USF3: variants seen among roughly 807,000 people sequenced by gnomAD.
USF3 encodes the protein basic helix-loop-helix domain-containing protein USF3.
A neutral mutation model predicts 157.5 loss-of-function variants in USF3; 29 were observed. The observed-to-expected ratio is 0.18, with a 90% confidence interval of 0.14 to 0.25. The LOEUF is 0.25. Ranked by LOEUF, USF3 falls within the 10% of genes least tolerant of loss-of-function variation. USF3 has a pLI of 1.00. For synonymous variants in USF3, 893 were observed against 941.4 expected, an observed-to-expected ratio of 0.95 and a Z score of 0.94; for missense variants, 2,381 against 2,667.6, an observed-to-expected ratio of 0.89 and a Z score of 2.37.
chr3:113,670,078 T>C, intron 5 of USF3, 43 bp downstream of exon 5: 1 of 1,279,604 alleles, frequency 7.8e-7, no homozygotes, highest in Non-Finnish European at 1.1e-6. Context: ...TAGGGAATTG[T>C]CTGTTCATAA....
intron 1 of USF3, among the ~76,000 whole-genome samples, chr3:113,685,173 T>C (rs1280659375): frequency 1.3e-5 from 2 of 152,178 alleles, no homozygotes; most frequent in South Asian, 2.1e-4. Context: ...GCAGAGTCTC[T>C]TGTTCTCTTC....
In USF3 at chr3:113,649,828, C is replaced by G; in HGVS notation, c.*5116G>C. 1.4e-6 allele frequency: 1 copy of G among 702,760 alleles called. No homozygotes were observed. Among genetic ancestry groups the G allele is most frequent in the Non-Finnish European group, 2.6e-6 (1 of 384,882 alleles). The allele number at this position is 702,760 out of a possible 1,614,324, so 43.5% of individuals were successfully genotyped here. ...GACTCAATCTAAATTTGGTGTCCCCCCTCCACAGGTTCTAGTAGAAACCTA... is the reference window on the plus strand; with the variant it reads ...GACTCAATCTAAATTTGGTGTCCCCGCTCCACAGGTTCTAGTAGAAACCTA... On this transcript the variant is annotated 3_prime_UTR_variant, in exon 7 of 7. Coordinates refer to ENST00000316407, the MANE Select transcript of USF3 (RefSeq NM_001009899.4).
intron 1 of USF3, among the ~76,000 whole-genome samples, chr3:113,679,982 T>A (rs1164423883): frequency 1.3e-5 from 2 of 151,458 alleles, no homozygotes; most frequent in Non-Finnish European, 2.9e-5. Context: ...TCGCTCTTTT[T>A]GCCCAGGCTG....
At position 113,660,642 on chromosome 3, in the gene USF3, G is replaced by T. The variant is rs775933281; in HGVS notation, c.1040C>A (p.Pro347His). The T allele has an allele frequency of 1.2e-6, 2 of 1,614,192 alleles. No homozygotes were observed. The highest frequency in any genetic ancestry group is 2.2e-5 in the South Asian group (2 of 91,088). ...VSVTTTVCSQPPRTAGDSSPM... is the reference protein window; with the variant it reads ...VSVTTTVCSQHPRTAGDSSPM... ...AGAAGAATCACCTGCAGTTCTGGGA[G>T]GCTGCGAGCAGACTGTGGTGGTAAC... The change falls in exon 7 of 7, where the codon CCT becomes CAT. Residue 347 changes from proline (P) to histidine (H), a missense_variant. Physicochemically the swap from Pro to His is moderately conservative, Grantham distance 77. Coordinates refer to ENST00000316407, the MANE Select transcript of USF3 (RefSeq NM_001009899.4).
chr3:113,664,912 A>C (rs1010936818), intron 5 of USF3, among the ~76,000 whole-genome samples: 3 of 152,178 alleles, frequency 2.0e-5, no homozygotes, highest in African/African-American at 7.2e-5. Context: ...TCTGTCTGCC[A>C]CTTGAGGACA....
chr3:113,667,529 T>C (rs1188666097), intron 5 of USF3, among the ~76,000 whole-genome samples: 1 of 152,184 alleles, frequency 6.6e-6, no homozygotes, highest in African/African-American at 2.4e-5. Flanking sequence ...TTAGAAGGCA[T>C]AGTGTGTGCC....
chr3:113,659,958 G>C lies in USF3; in HGVS notation c.1724C>G (p.Thr575Arg), dbSNP rs781705036. The part of the protein sequence containing the change: ...TVMRAEVSNQ[T>R]VGQQIVIIQA... ...TATGATTACTATCTGTTGACCTACTGTTTGGTTGGAAACTTCTGCCCTCAT... is the reference window on the plus strand; with the variant it reads ...TATGATTACTATCTGTTGACCTACTCTTTGGTTGGAAACTTCTGCCCTCAT... The change falls in exon 7 of 7, where the codon ACA becomes AGA. Residue 575 changes from threonine to arginine, a missense_variant. By Grantham distance (71) the Thr-to-Arg change is moderately conservative. Transcript: ENST00000316407. The C allele has an allele frequency of 1.2e-6, 2 of 1,614,166 alleles. No homozygotes were observed. The highest frequency in any genetic ancestry group is 8.5e-7 in the Non-Finnish European group (1 of 1,180,020).
chr3:113,675,044 G>T, intron 2 of USF3, 148 bp from the exon 3 acceptor site: 1 of 616,392 alleles, frequency 1.6e-6, no homozygotes, highest in Non-Finnish European at 2.9e-6. Context: ...CAGATAGAAA[G>T]AAGTATAAGA....
chr3:113,656,892 T>C lies in USF3; in HGVS notation c.4790A>G (p.Asn1597Ser), dbSNP rs1180699505. 21 of 1,614,140 alleles carry C rather than the reference T, an allele frequency of 1.3e-5. No homozygotes were observed. Among genetic ancestry groups the C allele is most frequent in the Admixed American group, 1.7e-5 (1 of 60,022 alleles). ...CTGCTGTTGGTGCATAATATCTTGA[T>C]TGAGATGGTTCTGGGGATGGTTATG... ...NHHNHPQNHL[N>S]QDIMHQQQDV... The change falls in exon 7 of 7, where the codon AAT becomes AGT. Residue 1597 changes from asparagine (N) to serine (S), a missense_variant. Physicochemically the swap from Asn to Ser is conservative, Grantham distance 46 (BLOSUM62 1). Transcript: ENST00000316407.
chr3:113,687,229 TCACA>T (rs67480409), intron 1 of USF3, among the ~76,000 whole-genome samples: 18,306 of 102,408 alleles, frequency 0.18, 1,214 homozygotes, highest in East Asian at 0.33. Flanking sequence ...ACACACACAG[TCACA>T]CACACACACA....
At chr3:113,686,540 C>T (rs1005578263) in intron 1 of USF3, among the ~76,000 whole-genome samples, 2 of 152,216 alleles carry the variant, frequency 1.3e-5, no homozygotes, top group African/African-American at 4.8e-5. Flanking sequence ...TCCTCCACCT[C>T]CACCTCCCAA....
rs761153532 is a variant in USF3, at chr3:113,649,558, G to A, written c.*5386C>T. 22 of 354,232 alleles carry A rather than the reference G, an allele frequency of 6.2e-5. No individual in the cohort carries two copies. The highest frequency in any genetic ancestry group is 9.6e-5 in the Non-Finnish European group (19 of 198,774). The allele number at this position is 354,232 out of a possible 1,614,324, so 21.9% of individuals were successfully genotyped here. ...CAACATCAAAGATGGCTCAGAGAAT[G>A]GTAAGGCAACAGTGAGAAACATCAG... On this transcript the variant is annotated 3_prime_UTR_variant, in exon 7 of 7. Transcript: ENST00000316407.
At chr3:113,680,309 T>C (rs1465000638) in intron 1 of USF3, among the ~76,000 whole-genome samples, 2 of 152,094 alleles carry the variant, frequency 1.3e-5, no homozygotes, top group Admixed American at 6.6e-5. Context: ...TTTGGACTTC[T>C]TCATGGTTCA....
In USF3 at chr3:113,650,021, A is replaced by G. The variant is rs191160464; in HGVS notation, c.*4923T>C. 466 of 605,156 alleles carry G rather than the reference A, an allele frequency of 7.7e-4. No individual in the cohort carries two copies. The highest frequency in any genetic ancestry group is 1.2e-3 in the Non-Finnish European group (416 of 340,112). The allele number at this position is 605,156 out of a possible 1,614,324, so 37.5% of individuals were successfully genotyped here. A position where few individuals can be genotyped will look rare whatever the true frequency, so the allele number is the denominator to read the frequency against. ...TAAGTATCATAAAATCATCACTCAC[A>G]GATTAACTTCACTAGTTTGTCTGGT... On this transcript the variant is annotated 3_prime_UTR_variant, in exon 7 of 7. Coordinates refer to ENST00000316407, the MANE Select transcript of USF3 (RefSeq NM_001009899.4).
rs1371200000 is a variant in USF3, at chr3:113,656,441, C to T, written c.5241G>A (p.Gln1747=). The T allele has an allele frequency of 6.2e-7, 1 of 1,614,070 alleles. No individual in the cohort carries two copies. The highest frequency in any genetic ancestry group is 1.3e-5 in the African/African-American group (1 of 74,928). The change falls in exon 7 of 7, where the codon CAG becomes CAA. Residue 1747 remains glutamine (Q), a synonymous_variant. Transcript: ENST00000316407. ...TTGAAGATTGTACTTCAAAATTACT[C>T]TGGGGCTGTTGACTAGCTCCACTTG... ...FKPSGASQQP[Q]SNFEVQSSRN...
At position 113,658,303 on chromosome 3, in the gene USF3, CA is replaced by C. The variant is rs772820853; in HGVS notation, c.3378del (p.Phe1126LeufsTer2). ...AGAGCTACTATATCAGTTTGCTCTA[CA>C]AAGGTACAGCTGTCACATGTATTAG... ...ATTNTCDSCT[F>X]VEQTDIVALA... is the part of the protein sequence containing the mutation. On this transcript the variant is annotated frameshift_variant, in exon 7 of 7. Transcript: ENST00000316407. LOFTEE classifies it high-confidence loss of function. 6.2e-7 allele frequency: 1 copy of C among 1,614,182 alleles called. No homozygotes were observed. The highest frequency in any genetic ancestry group is 8.5e-7 in the Non-Finnish European group (1 of 1,180,034).
At position 113,649,961 on chromosome 3, in the gene USF3, T is replaced by G. The variant is rs994044269; in HGVS notation, c.*4983A>C. 3.0e-6 allele frequency: 2 copies of G among 663,702 alleles called. No individual in the cohort carries two copies. The highest frequency in any genetic ancestry group is 3.6e-5 in the African/African-American group (2 of 55,192). The allele number at this position is 663,702 out of a possible 1,614,324, so 41.1% of individuals were successfully genotyped here. On this transcript the variant is annotated 3_prime_UTR_variant, in exon 7 of 7. Transcript: ENST00000316407. Reference sequence around the variant, plus strand: ...GTAATGTTCAGCCAAAAAGGCATCTTGAGAAGAAACTAACTTCTGCCTTTA... The same window carrying G: ...GTAATGTTCAGCCAAAAAGGCATCTGGAGAAGAAACTAACTTCTGCCTTTA...
Position 113,649,213 on chromosome 3 carries a change from A to C in USF3, c.*5731T>G, listed in dbSNP as rs1947217873. The C allele has an allele frequency of 6.6e-6, 1 of 152,314 alleles. No homozygotes were observed. Among genetic ancestry groups the C allele is most frequent in the Non-Finnish European group, 1.5e-5 (1 of 68,126 alleles). The allele number at this position is 152,314 out of a possible 1,614,324, so 9.4% of individuals were successfully genotyped here. ...AGCTGTATACACAACTGAGGGAAAG[A>C]AATTAAAGATCATCTTTTCTAAAAA... On this transcript the variant is annotated 3_prime_UTR_variant, in exon 7 of 7. Transcript: ENST00000316407.
chr3:113,686,113 C>T (rs1464606174), intron 1 of USF3, among the ~76,000 whole-genome samples: 1 of 152,148 alleles, frequency 6.6e-6, no homozygotes, highest in East Asian at 1.9e-4. Flanking sequence ...TCATTTAGAA[C>T]TCCAGAGCAC....
Sources: gnomAD v4.1 joint callset for allele counts (sites outside exome capture counted in the v4.1 genomes callset) on GRCh38, gnomAD v4.1.1 for gene constraint, MANE v1.5 for transcripts, NCBI Gene and HGNC (gene_info 2026-07-23, HGNC 2026-07-21) for gene names.